Variants in NIBAN1 observed in about 807,000 individuals in gnomAD.
NIBAN1 encodes the protein niban apoptosis regulator 1.
A neutral mutation model predicts 75.1 loss-of-function variants in NIBAN1; 81 were observed. The observed-to-expected ratio is 1.08, with a 90% CI of 0.90 to 1.30. NIBAN1 has a LOEUF of 1.30. Ranked by LOEUF, NIBAN1 falls within the 50% of genes most tolerant of loss-of-function variation. The pLI, the probability that NIBAN1 is intolerant of heterozygous loss-of-function variation, is 0.00. For missense variants in NIBAN1, 1,133 were observed against 1,128.1 expected (o/e 1.00, Z -0.06); for synonymous variants, 436 against 424.8 (o/e 1.03, Z -0.32).
intron 1 of NIBAN1, among the ~76,000 whole-genome samples, chr1:184,952,652 G>A (rs562293342): frequency 3.3e-5 from 5 of 152,304 alleles, no homozygotes; most frequent in South Asian, 2.1e-4. Context: ...AAGCCTTCCC[G>A]GGCCACATGC....
At chr1:184,939,086 C>T (rs1160888818) in intron 1 of NIBAN1, among the ~76,000 whole-genome samples, 1 of 152,196 alleles carries the variant, frequency 6.6e-6, no homozygotes, top group Non-Finnish European at 1.5e-5. Flanking sequence ...GACTAGCATT[C>T]ATTCAACATT....
chr1:184,844,327 C>A (rs1052210591), intron 5 of NIBAN1, among the ~76,000 whole-genome samples: 1 of 152,228 alleles, frequency 6.6e-6, no homozygotes, highest in African/African-American at 2.4e-5. Flanking sequence ...CATCACTCAT[C>A]ATGTCCTAGC....
chr1:184,965,127 G>A (rs538311931), intron 1 of NIBAN1, among the ~76,000 whole-genome samples: 6 of 152,164 alleles, frequency 3.9e-5, no homozygotes, highest in African/African-American at 1.4e-4. Flanking sequence ...GTGAAACCCC[G>A]TCTCTACTAA....
In NIBAN1 at chr1:184,843,150, C is replaced by T. The variant is rs138610737; in HGVS notation, c.602-11188G>A. Reference sequence around the variant, plus strand: ...AACACTTCAGGTGGGTTCATGAGGACGCCATTCCAAACAACTAGAACTCTA... The same window carrying T: ...AACACTTCAGGTGGGTTCATGAGGATGCCATTCCAAACAACTAGAACTCTA... On this transcript the variant is annotated intron_variant, in intron 5 of 13. Coordinates refer to ENST00000367511, the MANE Select transcript of NIBAN1 (RefSeq NM_052966.4). 4.7e-4 allele frequency among the ~76,000 whole-genome samples: 71 copies of T among 152,326 alleles called. No homozygotes were observed. The East Asian group carries it at 0.011, about 24-fold the overall frequency.
chr1:184,947,108 C>A (rs1658246874), intron 1 of NIBAN1, among the ~76,000 whole-genome samples: 1 of 117,030 alleles, frequency 8.5e-6, no homozygotes, highest in Admixed American at 8.2e-5. Flanking sequence ...TGCATTGTTT[C>A]TCCTACCTTG....
intron 6 of NIBAN1, 40 bp downstream of exon 6, chr1:184,831,807 C>T: frequency 6.9e-7 from 1 of 1,456,402 alleles, no homozygotes; most frequent in Non-Finnish European, 9.6e-7. Context: ...CCCAAATACC[C>T]AAACACAGAG....
chr1:184,863,792 A>G (rs1189728929), intron 5 of NIBAN1, among the ~76,000 whole-genome samples: 1 of 152,232 alleles, frequency 6.6e-6, no homozygotes, highest in African/African-American at 2.4e-5. Flanking sequence ...AGATCTAGGT[A>G]TTCATTGGTT....
chr1:184,870,897 C>A (rs181087893), intron 5 of NIBAN1, among the ~76,000 whole-genome samples: 12 of 152,256 alleles, frequency 7.9e-5, no homozygotes, highest in South Asian at 2.1e-4. Flanking sequence ...GAATTGTATA[C>A]CCCCCAAATT....
chr1:184,867,524 C>T (rs888453616), intron 5 of NIBAN1, among the ~76,000 whole-genome samples: 3 of 152,258 alleles, frequency 2.0e-5, no homozygotes, highest in East Asian at 3.9e-4. Context: ...TATTATCCTC[C>T]TCACTAGGGA....
At chr1:184,829,464 CTTTTTT>C (rs34475915) in intron 6 of NIBAN1, among the ~76,000 whole-genome samples, 10 of 129,054 alleles carry the variant, frequency 7.7e-5, no homozygotes, top group Non-Finnish European at 1.1e-4. Context: ...TACATATATT[CTTTTTT>C]TTTTTTTTTT....
chr1:184,809,991 G>T (rs1008986168), intron 9 of NIBAN1, among the ~76,000 whole-genome samples: 5 of 152,134 alleles, frequency 3.3e-5, no homozygotes, highest in Non-Finnish European at 7.3e-5. Flanking sequence ...ATACAGAATG[G>T]CATATGCTAA....
At position 184,974,346 on chromosome 1, in the gene NIBAN1, G is replaced by T; in HGVS notation, c.11C>A (p.Ser4Ter). Residue 4 changes from serine to a stop codon, truncating the protein, a stop_gained, in exon 1 of 14, where the codon TCA becomes TAA. Coordinates refer to ENST00000367511, the MANE Select transcript of NIBAN1 (RefSeq NM_052966.4). LOFTEE classifies it high-confidence loss of function. The stretch of plus-strand genomic sequence containing the variant: ...GCCCTCGTCCAGCTGGCTGGAGGCT[G>T]AGCCGCCCATGACCGCGAGCTGCCT... MGG[S>*]ASSQLDEGKC... 1 of 1,562,704 alleles carries T rather than the reference G, an allele frequency of 6.4e-7. No individual in the cohort carries two copies. Among genetic ancestry groups the T allele is most frequent in the East Asian group, 2.4e-5 (1 of 41,846 alleles).
intron 1 of NIBAN1, among the ~76,000 whole-genome samples, chr1:184,965,253 C>G (rs973409321): frequency 4.0e-5 from 6 of 151,468 alleles, no homozygotes; most frequent in African/African-American, 1.5e-4. Context: ...GAGCCGAGAT[C>G]GCGCCACTGC....
chr1:184,805,564 T>C (rs1654171445), intron 11 of NIBAN1, among the ~76,000 whole-genome samples: 1 of 152,252 alleles, frequency 6.6e-6, no homozygotes. Context: ...AATCAATAAA[T>C]TATTCGCCAG....
chr1:184,845,175 A>G (rs1473199499), intron 5 of NIBAN1, among the ~76,000 whole-genome samples: 1 of 152,222 alleles, frequency 6.6e-6, no homozygotes, highest in East Asian at 1.9e-4. Flanking sequence ...GATCCTGTGC[A>G]TCATCAGCAT....
intron 5 of NIBAN1, among the ~76,000 whole-genome samples, chr1:184,837,869 T>C (rs1413615298): frequency 1.3e-5 from 2 of 152,310 alleles, no homozygotes; most frequent in East Asian, 3.9e-4. Flanking sequence ...TATCCTTATT[T>C]CTCTTCAACT....
intron 5 of NIBAN1, among the ~76,000 whole-genome samples, chr1:184,875,025 T>C (rs1024121377): frequency 2.0e-5 from 3 of 152,168 alleles, no homozygotes; most frequent in African/African-American, 4.8e-5. Flanking sequence ...ATAATTGACA[T>C]AGAGTATATA....
intron 5 of NIBAN1, among the ~76,000 whole-genome samples, chr1:184,860,277 C>T (rs901956377): frequency 2.2e-4 from 9 of 40,490 alleles, no homozygotes; most frequent in Non-Finnish European, 4.4e-4. Context: ...GCGGCGGGGG[C>T]GGGGGGCCAG....
chr1:184,885,007 C>T (rs867645209), intron 4 of NIBAN1, among the ~76,000 whole-genome samples: 1 of 152,140 alleles, frequency 6.6e-6, no homozygotes, highest in Non-Finnish European at 1.5e-5. Context: ...TCTGCCTGGC[C>T]TCCTACCCAA....
Sources: gnomAD v4.1 joint callset for allele counts (sites outside exome capture counted in the v4.1 genomes callset) on GRCh38, gnomAD v4.1.1 for gene constraint, MANE v1.5 for transcripts, NCBI Gene and HGNC (gene_info 2026-07-23, HGNC 2026-07-21) for gene names.